Variants in CNTN3 observed in about 807,000 individuals in gnomAD.
CNTN3 encodes the protein contactin-3.
Under a neutral mutation model 119.1 loss-of-function variants are expected in CNTN3, and 60 were observed. The ratio of observed to expected loss-of-function variants is 0.50; its 90% CI spans 0.41 to 0.62. The LOEUF (loss-of-function observed/expected upper bound fraction) is 0.62. Ranked by LOEUF, CNTN3 falls within the 20% of genes least tolerant of loss-of-function variation. The pLI, the probability that CNTN3 is intolerant of heterozygous loss-of-function variation, is 0.00. For synonymous variants in CNTN3, 450 were observed against 438.7 expected, an observed-to-expected ratio of 1.03 and a Z score of -0.32; for missense variants, 1,101 against 1,242.4, an observed-to-expected ratio of 0.89 and a Z score of 1.71.
intron 2 of CNTN3, among the ~76,000 whole-genome samples, chr3:74,519,534 T>C (rs944048477): frequency 6.6e-6 from 1 of 151,808 alleles, no homozygotes; most frequent in African/African-American, 2.4e-5. Flanking sequence ...TGAGTATGTC[T>C]TTCTGTGAAT....
chr3:74,507,310 C>T (rs1703279713), intron 2 of CNTN3, among the ~76,000 whole-genome samples: 1 of 151,410 alleles, frequency 6.6e-6, no homozygotes, highest in Non-Finnish European at 1.5e-5. Flanking sequence ...CCCAGTTACT[C>T]AAGAGGCTGA....
At position 74,500,307 on chromosome 3, in the gene CNTN3, C is replaced by T. The variant is rs188508885; in HGVS notation, c.56-522G>A. 5.5e-4 allele frequency among the ~76,000 whole-genome samples: 84 copies of T among 151,968 alleles called. No individual in the cohort carries two copies. The South Asian group carries it at 7.9e-3, about 14-fold the overall frequency. Reference sequence around the variant, plus strand: ...AGAGAAAGATACAGCACTGAACAGGCGTCTTTTTAAAGATGTTTCTACTTT... The same window carrying T: ...AGAGAAAGATACAGCACTGAACAGGTGTCTTTTTAAAGATGTTTCTACTTT... On this transcript the variant is annotated intron_variant, in intron 2 of 22. Coordinates refer to ENST00000263665, the MANE Select transcript of CNTN3 (RefSeq NM_020872.3).
Position 74,300,987 on chromosome 3 carries a change from C to T in CNTN3, c.2095+411G>A, listed in dbSNP as rs553635831. Among the ~76,000 whole-genome samples, 5 of 152,276 alleles carry T rather than the reference C, an allele frequency of 3.3e-5. No individual in the cohort carries two copies. In the South Asian group the frequency reaches 1.0e-3, roughly 32 times the overall value. ...ACCTATTCATCAATTGCTTAAGCTC[C>T]TTCACTAAGCTTGGTGGCAAAATGA... On this transcript the variant is annotated intron_variant, in intron 16 of 22. Transcript: ENST00000263665.
At chr3:74,530,262 C>T (rs1483880974) in intron 1 of CNTN3, among the ~76,000 whole-genome samples, 1 of 151,844 alleles carries the variant, frequency 6.6e-6, no homozygotes, top group Admixed American at 6.6e-5. Flanking sequence ...TTTCCTGGAC[C>T]ACCAATACTC....
chr3:74,422,497 G>A (rs1701631518), intron 5 of CNTN3, among the ~76,000 whole-genome samples: 1 of 152,124 alleles, frequency 6.6e-6, no homozygotes, highest in Non-Finnish European at 1.5e-5. Context: ...CAGGTGTGAT[G>A]GGCTAACAGT....
intron 13 of CNTN3, among the ~76,000 whole-genome samples, chr3:74,304,307 C>T (rs745762752): frequency 5.3e-5 from 8 of 152,224 alleles, no homozygotes; most frequent in Non-Finnish European, 1.2e-4. Context: ...CTCTCTCCCT[C>T]TCCTTCTCCT....
At chr3:74,404,081 C>T (rs1462814498) in intron 5 of CNTN3, among the ~76,000 whole-genome samples, 1 of 151,990 alleles carries the variant, frequency 6.6e-6, no homozygotes, top group Non-Finnish European at 1.5e-5. Context: ...CATCATAAAC[C>T]ATTTCTGATT....
In CNTN3 at chr3:74,301,460, C is replaced by A; in HGVS notation, c.2033G>T (p.Ser678Ile). The A allele has an allele frequency of 6.2e-7, 1 of 1,614,102 alleles. No homozygotes were observed. Among genetic ancestry groups the A allele is most frequent in the Middle Eastern group, 1.6e-4 (1 of 6,062 alleles). The change falls in exon 16 of 23, where the codon AGT (serine) becomes ATT (isoleucine). Residue 678 changes from serine (S) to isoleucine (I), a missense_variant. Physicochemically the swap from Ser to Ile is moderately radical, Grantham distance 142. Transcript: ENST00000263665. ...WVEYEFRVVA[S>I]NKIGGGEPSL... ...TGGTTCTCCACCTCCAATTTTGTTA[C>A]TGGCTACAACCCGAAATTCATATTC...
intron 1 of CNTN3, among the ~76,000 whole-genome samples, chr3:74,562,401 A>G (rs1395904315): frequency 6.6e-6 from 1 of 152,154 alleles, no homozygotes; most frequent in Non-Finnish European, 1.5e-5. Flanking sequence ...TTTGCTTCAT[A>G]TACTTAAAAA....
At chr3:74,425,257 G>A (rs919241589) in intron 4 of CNTN3, among the ~76,000 whole-genome samples, 3 of 151,932 alleles carry the variant, frequency 2.0e-5, no homozygotes, top group Non-Finnish European at 2.9e-5. Flanking sequence ...CACTGTAGTC[G>A]TCCCCAGGGT....
At chr3:74,415,146 A>G (rs1261574405) in intron 5 of CNTN3, among the ~76,000 whole-genome samples, 1 of 152,108 alleles carries the variant, frequency 6.6e-6, no homozygotes, top group African/African-American at 2.4e-5. Context: ...TCAGAGCAAG[A>G]AGACTCGTAC....
In CNTN3 at chr3:74,485,315, C is replaced by G. The variant is rs189257121; in HGVS notation, c.358+1141G>C. On this transcript the variant is annotated intron_variant, in intron 4 of 22. Transcript: ENST00000263665. ...CTATTAGAGAAATATATACAAAGTA[C>G]TTTAGTTAACTTAAGGGTAACTAGT... Among the ~76,000 whole-genome samples the G allele has an allele frequency of 3.4e-4, 52 of 152,046 alleles. 1 individual carries two copies. In the East Asian group the frequency reaches 9.1e-3, roughly 27 times the overall value.
chr3:74,280,641 G>C (rs1701985888), intron 20 of CNTN3, among the ~76,000 whole-genome samples: 1 of 152,208 alleles, frequency 6.6e-6, no homozygotes, highest in Non-Finnish European at 1.5e-5. Flanking sequence ...AGCAGAGACA[G>C]TGATGGAGAG....
rs558624694 is a variant in CNTN3 at position 74,387,540 on chromosome 3, AG to A, written c.455-16142del. Among the ~76,000 whole-genome samples the A allele has an allele frequency of 2.1e-4, 32 of 152,344 alleles. No homozygotes were observed. The East Asian group carries it at 5.8e-3, about 28-fold the overall frequency. ...ACAGAGCTAAGTTTGCCATGAAGGC[AG>A]GGGTTCACAGTACAGGTGGTGCAGA... On this transcript the variant is annotated intron_variant, in intron 5 of 22. Coordinates refer to ENST00000263665, the MANE Select transcript of CNTN3 (RefSeq NM_020872.3).
At chr3:74,590,103 TATAATAATAAAAAAAAGTATA>T (rs1704674491) in intron 1 of CNTN3, among the ~76,000 whole-genome samples, 1 of 151,562 alleles carries the variant, frequency 6.6e-6, no homozygotes, top group African/African-American at 2.4e-5. Context: ...AAACTTAAAG[TATAATAATAAAAAAAAGTATA>T]ATAATAATAA....
intron 1 of CNTN3, among the ~76,000 whole-genome samples, chr3:74,567,694 G>C (rs9880616): frequency 6.6e-6 from 1 of 152,096 alleles, no homozygotes; most frequent in African/African-American, 2.4e-5. Context: ...TCTGCTGACA[G>C]TCGATGATGC....
chr3:74,364,415 T>A, intron 10 of CNTN3, 52 bp downstream of exon 10: 1 of 1,554,592 alleles, frequency 6.4e-7, no homozygotes, highest in Non-Finnish European at 8.8e-7. Flanking sequence ...CTGGAAACAA[T>A]GAAGGATTTA....
At chr3:74,564,218 A>C (rs1465311962) in intron 1 of CNTN3, among the ~76,000 whole-genome samples, 1 of 152,028 alleles carries the variant, frequency 6.6e-6, no homozygotes, top group Non-Finnish European at 1.5e-5. Context: ...GGTCAAACAA[A>C]AGGAGACAGA....
chr3:74,288,060 A>G (rs1209847447), intron 19 of CNTN3, among the ~76,000 whole-genome samples: 1 of 152,120 alleles, frequency 6.6e-6, no homozygotes, highest in East Asian at 1.9e-4. Context: ...ATTGCAGGGA[A>G]TTAGACCTAA....
Sources: allele counts gnomAD v4.1 joint callset (sites outside exome capture counted in the v4.1 genomes callset), GRCh38; gene constraint gnomAD v4.1.1; transcripts MANE v1.5; gene names NCBI Gene and HGNC (gene_info 2026-07-23, HGNC 2026-07-21).